Variants in DMD observed in about 807,000 individuals in gnomAD.
The protein encoded by DMD is mutant dystrophin.
DMD carries 63 observed loss-of-function variants against 330.1 expected under a neutral mutation model. The observed-to-expected ratio is 0.19, with a 90% CI of 0.16 to 0.24. DMD has a LOEUF of 0.24. Ranked by LOEUF, DMD falls within the 10% of genes least tolerant of loss-of-function variation. The probability of loss-of-function intolerance (pLI) is 1.00; values close to 1 mark genes in which losing one functional copy is unlikely to be tolerated. For synonymous variants in DMD, 1,223 were observed against 959.8 expected (o/e 1.27, Z -5.07); for missense variants, 3,344 against 2,684.1 (o/e 1.25, Z -5.43).
At chrX:31,733,121 G>A (rs1455135539) in intron 51 of DMD, among the ~76,000 whole-genome samples, 1 of 111,009 alleles carries the variant, frequency 9.0e-6, no homozygotes, top group East Asian at 2.8e-4. Context: ...CACTAGCTGA[G>A]CAAAGATGGA....
chrX:31,213,304 A>G (rs1376286499), intron 64 of DMD, among the ~76,000 whole-genome samples: 1 of 112,718 alleles, frequency 8.9e-6, no homozygotes, highest in African/African-American at 3.2e-5. Flanking sequence ...AAGTGTAGCC[A>G]TGGGTTGCAG....
intron 13 of DMD, among the ~76,000 whole-genome samples, chrX:32,589,432 G>A (rs1172213255): frequency 9.1e-6 from 1 of 109,801 alleles, no homozygotes; most frequent in East Asian, 2.9e-4. Context: ...TTATGTTTAT[G>A]TATATGTATG....
At chrX:31,129,470 G>A (rs2034195380) in intron 77 of DMD, among the ~76,000 whole-genome samples, 1 of 111,928 alleles carries the variant, frequency 8.9e-6, no homozygotes, top group Non-Finnish European at 1.9e-5. Context: ...AATGGACAAC[G>A]AAATAATAGC....
chrX:31,883,061 A>G (rs779336439), intron 47 of DMD, among the ~76,000 whole-genome samples: 418 of 112,021 alleles, frequency 3.7e-3, no homozygotes, highest in Middle Eastern at 0.018. Flanking sequence ...CATAATAGAC[A>G]CAGCCCAATG....
In DMD at chrX:32,866,724, TG is replaced by T. The variant is rs1200341173; in HGVS notation, c.94-16905del. Among the ~76,000 whole-genome samples, 118 of 38,412 alleles carry T rather than the reference TG, an allele frequency of 3.1e-3. 1 individual carries two copies. The highest frequency in any genetic ancestry group is 0.016 in the African/African-American group (93 of 5,900). The allele number at this position is 38,412 out of a possible 115,157, so 33.4% of individuals were successfully genotyped here. ...ATATATACATACACACACTTTTTTT[TG>T]GGGGGGGGTGGGGGGGTGGGGGGGG... On this transcript the variant is annotated intron_variant, in intron 2 of 78. Coordinates refer to ENST00000357033, the MANE Select transcript of DMD (RefSeq NM_004006.3).
chrX:32,805,823 C>T (rs1368547150), intron 7 of DMD, among the ~76,000 whole-genome samples: 1 of 111,838 alleles, frequency 8.9e-6, no homozygotes, highest in Non-Finnish European at 1.9e-5. Context: ...ATTTCATAGC[C>T]AGTCAAACTA....
At chrX:32,534,993 A>T (rs2047822657) in intron 17 of DMD, among the ~76,000 whole-genome samples, 1 of 111,684 alleles carries the variant, frequency 9.0e-6, no homozygotes, top group Non-Finnish European at 1.9e-5. Context: ...TAATATATAA[A>T]TGTGGTCATG....
At chrX:31,667,172 A>G (rs1399711850) in intron 53 of DMD, among the ~76,000 whole-genome samples, 1 of 111,621 alleles carries the variant, frequency 9.0e-6, no homozygotes, top group Non-Finnish European at 1.9e-5. Flanking sequence ...ATATGAATGT[A>G]TTGATACAAT....
intron 1 of DMD, among the ~76,000 whole-genome samples, chrX:33,322,240 A>C (rs1253162372): frequency 9.0e-6 from 1 of 111,040 alleles, no homozygotes; most frequent in Non-Finnish European, 1.9e-5. Context: ...AAACATAATC[A>C]TCTCTAGCTT....
intron 43 of DMD, among the ~76,000 whole-genome samples, chrX:32,226,932 GAC>G (rs1404038368): frequency 2.7e-5 from 3 of 109,221 alleles, no homozygotes; most frequent in Non-Finnish European, 5.7e-5. Context: ...ATTAATAAAA[GAC>G]ACAAAATGAT....
intron 60 of DMD, among the ~76,000 whole-genome samples, chrX:31,370,173 C>G (rs753148642): frequency 2.1e-3 from 229 of 107,898 alleles, no homozygotes; most frequent in Middle Eastern, 0.014. Flanking sequence ...AGACTCAACA[C>G]AAAAGCATGA....
Position 33,278,548 on chromosome X carries a change from G to A in DMD, c.7+60711C>T, listed in dbSNP as rs747381563. On this transcript the variant is annotated intron_variant, in intron 1 of 17. Coordinates refer to the DMD transcript ENST00000288447. ...TTATTGCTGCATAGGATTTCATGAT[G>A]TGTATGTACCATATTTTCTTCAGCC... Among the ~76,000 whole-genome samples the A allele has an allele frequency of 5.6e-3, 626 of 111,775 alleles. 3 individuals are homozygous for A. Among genetic ancestry groups the A allele is most frequent in the Non-Finnish European group, 9.7e-3 (515 of 53,131 alleles).
chrX:33,192,646 T>C (rs2050720156), intron 1 of DMD, among the ~76,000 whole-genome samples: 1 of 112,288 alleles, frequency 8.9e-6, no homozygotes. Flanking sequence ...AGGGGAAATA[T>C]ACCCTAATGG....
In DMD at chrX:31,169,533, G is replaced by A; in HGVS notation, c.10463C>T (p.Pro3488Leu). The change falls in exon 74 of 79, where the codon CCT becomes CTT. Residue 3488 changes from proline (P) to leucine (L), a missense_variant. Coordinates refer to ENST00000357033, the MANE Select transcript of DMD (RefSeq NM_004006.3). ...SLNQDSPLSQ[P>L]RSPAQILISL... is the part of the protein sequence containing the mutation. ...AATCAAGATCTGGGCAGGACTACGAGGCTGGCTCAGGGGGGAGTCCTGGTT... is the reference window on the plus strand; with the variant it reads ...AATCAAGATCTGGGCAGGACTACGAAGCTGGCTCAGGGGGGAGTCCTGGTT... 1 of 1,203,387 alleles carries A rather than the reference G, an allele frequency of 8.3e-7. No individual in the cohort carries two copies. The highest frequency in any genetic ancestry group is 1.1e-6 in the Non-Finnish European group (1 of 889,078).
chrX:31,808,338 C>A (rs891692091), intron 50 of DMD, among the ~76,000 whole-genome samples: 1 of 111,442 alleles, frequency 9.0e-6, no homozygotes, highest in Non-Finnish European at 1.9e-5. Context: ...CATTTATTCA[C>A]CCAGATAATG....
chrX:32,555,374 C>G (rs900463339), intron 16 of DMD, among the ~76,000 whole-genome samples: 2 of 111,780 alleles, frequency 1.8e-5, no homozygotes, highest in African/African-American at 6.5e-5. Flanking sequence ...CCCCTGAAAA[C>G]TGGCCCAAGA....
Position 32,878,716 on chromosome X carries a change from T to A in DMD, c.94-28896A>T, listed in dbSNP as rs186015588. On this transcript the variant is annotated intron_variant, in intron 2 of 78. Transcript: ENST00000357033. The stretch of plus-strand genomic sequence containing the variant: ...GAGTGGTGAGGTAGGGCAGGATAAA[T>A]CGTAATATTGGGGCCAGGTGCAATG... 1.2e-3 allele frequency among the ~76,000 whole-genome samples: 138 copies of A among 110,597 alleles called. 1 individual carries two copies. The highest frequency in any genetic ancestry group is 4.3e-3 in the African/African-American group (132 of 30,401).
In DMD at chrX:31,946,745, C is replaced by T. The variant is rs139834613; in HGVS notation, c.6615-14518G>A. On this transcript the variant is annotated intron_variant, in intron 45 of 78. Transcript: ENST00000357033. ...ATCAATAGGACATACAGCAGACTGA[C>T]ATAGCACTTAGGAGAAAATTTCTCT... Among the ~76,000 whole-genome samples, 28 of 110,130 alleles carry T rather than the reference C, an allele frequency of 2.5e-4. No individual in the cohort carries two copies. In the East Asian group the frequency reaches 7.7e-3, roughly 30 times the overall value.
At chrX:31,612,061 C>A (rs1325317505) in intron 55 of DMD, among the ~76,000 whole-genome samples, 1 of 110,407 alleles carries the variant, frequency 9.1e-6, no homozygotes, top group African/African-American at 3.3e-5. Context: ...GAACCATCAC[C>A]ACTATCCATC....
Sources: gnomAD v4.1 joint callset for allele counts (sites outside exome capture counted in the v4.1 genomes callset) on GRCh38, gnomAD v4.1.1 for gene constraint, MANE v1.5 for transcripts, NCBI Gene and HGNC (gene_info 2026-07-23, HGNC 2026-07-21) for gene names.